Variants in CLVS1 observed in about 807,000 individuals in gnomAD.
CLVS1 encodes clavesin-1.
In CLVS1, 10 loss-of-function variants were observed where a neutral mutation model predicts 33.1. The ratio of observed to expected loss-of-function variants is 0.30; its 90% CI spans 0.19 to 0.51. CLVS1 has a LOEUF of 0.51. CLVS1 is among the 20% of genes least tolerant of loss of function. CLVS1 has a pLI of 0.97. For synonymous variants in CLVS1, 163 were observed against 166.1 expected (o/e 0.98, Z 0.14); for missense variants, 343 against 433.4 (o/e 0.79, Z 1.85).
intron 3 of CLVS1, among the ~76,000 whole-genome samples, chr8:61,433,753 A>C (rs951295624): frequency 6.6e-6 from 1 of 151,914 alleles, no homozygotes; most frequent in Non-Finnish European, 1.5e-5. Context: ...ACCTCTACCA[A>C]AAATACAAAA....
At chr8:61,308,396 A>G (rs1393856684) in intron 2 of CLVS1, among the ~76,000 whole-genome samples, 4 of 152,124 alleles carry the variant, frequency 2.6e-5, no homozygotes, top group East Asian at 3.9e-4. Flanking sequence ...AGATGTTTCA[A>G]AATATCCATG....
chr8:61,374,076 A>G (rs1236134660), intron 2 of CLVS1, among the ~76,000 whole-genome samples: 1 of 152,218 alleles, frequency 6.6e-6, no homozygotes, highest in African/African-American at 2.4e-5. Context: ...CAGTGGTTAA[A>G]GTTACAATAA....
intron 3 of CLVS1, among the ~76,000 whole-genome samples, chr8:61,451,965 C>A (rs934247349): frequency 1.3e-5 from 2 of 152,166 alleles, no homozygotes; most frequent in African/African-American, 4.8e-5. Flanking sequence ...AAAAATGATT[C>A]TGTTTCTATT....
At chr8:61,119,430 T>G (rs1212050105) in intron 1 of CLVS1, among the ~76,000 whole-genome samples, 1 of 150,004 alleles carries the variant, frequency 6.7e-6, no homozygotes, top group Non-Finnish European at 1.5e-5. Context: ...GTTAGCTGGT[T>G]ATTTTGCTCG....
Position 61,071,027 on chromosome 8 carries a change from G to A in CLVS1, c.-243+13797G>A, listed in dbSNP as rs139432939. Among the ~76,000 whole-genome samples the A allele has an allele frequency of 1.2e-4, 18 of 152,208 alleles. No individual in the cohort carries two copies. In the East Asian group the frequency reaches 3.3e-3, roughly 28 times the overall value. On this transcript the variant is annotated intron_variant, in intron 1 of 2. Coordinates refer to the CLVS1 transcript ENST00000522621. ...GCTCCTGTCTACAGAACCAACATCC[G>A]CTCTTGACCTGTAACTAAGTACGTT...
rs77498977 is a variant in CLVS1, at chr8:61,186,741, C to T, written c.-152+54881C>T. On this transcript the variant is annotated intron_variant, in intron 2 of 2. Coordinates refer to the CLVS1 transcript ENST00000522621. ...AATTGAAAATAGTTACAACAGATGC[C>T]TTAAAATAACCTTGAGAGTCTAGCA... Among the ~76,000 whole-genome samples the T allele has an allele frequency of 3.4e-3, 519 of 152,202 alleles. 3 individuals carry two copies. Among genetic ancestry groups the T allele is most frequent in the African/African-American group, 0.012 (492 of 41,522 alleles).
chr8:61,115,755 T>G (rs562202609), intron 1 of CLVS1, among the ~76,000 whole-genome samples: 3 of 148,220 alleles, frequency 2.0e-5, no homozygotes, highest in Admixed American at 6.7e-5. Context: ...GTGCCACATT[T>G]TCTTAATCCA....
upstream of CLVS1, among the ~76,000 whole-genome samples, chr8:61,053,205 G>C (rs1804415558): frequency 6.6e-6 from 1 of 152,176 alleles, no homozygotes; most frequent in Non-Finnish European, 1.5e-5. Context: ...GTGCATGACA[G>C]GACAGTATAA....
chr8:61,148,590 G>C (rs572155992), intron 2 of CLVS1, among the ~76,000 whole-genome samples: 2 of 152,188 alleles, frequency 1.3e-5, no homozygotes, highest in Non-Finnish European at 2.9e-5. Context: ...ACAAGATACA[G>C]GTTCCTCCAG....
At chr8:61,136,169 G>A (rs1033948309) in intron 2 of CLVS1, among the ~76,000 whole-genome samples, 1 of 152,244 alleles carries the variant, frequency 6.6e-6, no homozygotes, top group Non-Finnish European at 1.5e-5. Context: ...TTCCTGGACT[G>A]CAGTTTCTAA....
the CLVS1 span, among the ~76,000 whole-genome samples, chr8:60,969,865 G>A: frequency 6.6e-6 from 1 of 152,088 alleles, no homozygotes; most frequent in Non-Finnish European, 1.5e-5. Context: ...CATTGCATTA[G>A]ATATTATAAG....
At chr8:60,966,272 G>T in the CLVS1 span, 2 of 426,692 alleles carry the variant, frequency 4.7e-6, no homozygotes, top group Admixed American at 5.3e-5. Flanking sequence ...AAGTTGGTCA[G>T]CATGGGTGAG....
intron 2 of CLVS1, among the ~76,000 whole-genome samples, chr8:61,276,086 C>T (rs1809556807): frequency 6.6e-6 from 1 of 152,184 alleles, no homozygotes; most frequent in Non-Finnish European, 1.5e-5. Flanking sequence ...CAGAACTGAA[C>T]ATCCATTAAG....
At chr8:61,346,253 G>C (rs566179401) in intron 2 of CLVS1, among the ~76,000 whole-genome samples, 2 of 152,266 alleles carry the variant, frequency 1.3e-5, no homozygotes, top group South Asian at 4.1e-4. Context: ...GGTAAAGCAA[G>C]GGCATTAGTG....
At chr8:61,350,894 G>A (rs974555358) in intron 2 of CLVS1, among the ~76,000 whole-genome samples, 3 of 152,148 alleles carry the variant, frequency 2.0e-5, no homozygotes, top group Non-Finnish European at 1.5e-5. Context: ...CACTCTGGTA[G>A]ACATGGTGTG....
chr8:61,134,457 A>G (rs1327256342), intron 2 of CLVS1, among the ~76,000 whole-genome samples: 1 of 152,246 alleles, frequency 6.6e-6, no homozygotes, highest in Non-Finnish European at 1.5e-5. Context: ...AAATCAAAAG[A>G]ATATCTCATG....
chr8:61,186,032 C>T (rs1008134507), intron 2 of CLVS1, among the ~76,000 whole-genome samples: 9 of 152,116 alleles, frequency 5.9e-5, no homozygotes, highest in Non-Finnish European at 1.2e-4. Context: ...CAAGGCTGTT[C>T]TTCAGGGCTA....
intron 2 of CLVS1, among the ~76,000 whole-genome samples, chr8:61,364,129 T>TAAG (rs1453602128): frequency 6.6e-6 from 1 of 152,240 alleles, no homozygotes; most frequent in Non-Finnish European, 1.5e-5. Context: ...GGGAATATAT[T>TAAG]TAACCTGGTT....
intron 5 of CLVS1, among the ~76,000 whole-genome samples, chr8:61,468,549 T>C (rs77808074): frequency 0.021 from 3,156 of 152,002 alleles, 48 homozygotes; most frequent in African/African-American, 0.043. Context: ...ACTCCAGTGA[T>C]TGAAATGGAA....
Sources: gnomAD v4.1 joint callset for allele counts (sites outside exome capture counted in the v4.1 genomes callset) on GRCh38, gnomAD v4.1.1 for gene constraint, MANE v1.5 for transcripts, NCBI Gene and HGNC (gene_info 2026-07-23, HGNC 2026-07-21) for gene names.